The following KLHL29 variants were observed in gnomAD, a reference collection of about 807,000 sequenced individuals.
KLHL29 encodes kelch-like protein 29.
Under a neutral mutation model 80.4 loss-of-function variants are expected in KLHL29, and 21 were observed. The observed-to-expected ratio is 0.26, with a 90% CI of 0.19 to 0.38. The LOEUF (loss-of-function observed/expected upper bound fraction) is 0.38, where lower values mean the gene tolerates loss of function less well. Ranked by LOEUF, KLHL29 falls within the 10% of genes least tolerant of loss-of-function variation. The probability of loss-of-function intolerance (pLI) is 1.00; values close to 1 mark genes in which losing one functional copy is unlikely to be tolerated. For missense variants in KLHL29, 867 were observed against 1,223.9 expected (o/e 0.71, Z 4.35); for synonymous variants, 511 against 526.8 (o/e 0.97, Z 0.41).
At chr2:23,533,090 G>A (rs1178349527) in intron 2 of KLHL29, among the ~76,000 whole-genome samples, 1 of 152,208 alleles carries the variant, frequency 6.6e-6, no homozygotes, top group Non-Finnish European at 1.5e-5. Flanking sequence ...CCCTGTGTGA[G>A]AGCGTCTCTC....
At chr2:23,487,395 C>T (rs929803551) in intron 2 of KLHL29, among the ~76,000 whole-genome samples, 2 of 152,148 alleles carry the variant, frequency 1.3e-5, no homozygotes, top group African/African-American at 4.8e-5. Flanking sequence ...TCTAATAGGC[C>T]TATTGCATTT....
At chr2:23,387,553 G>T (rs1372919679) in intron 1 of KLHL29, among the ~76,000 whole-genome samples, 2 of 149,298 alleles carry the variant, frequency 1.3e-5, no homozygotes, top group Non-Finnish European at 3.0e-5. Context: ...ATTATGGAAA[G>T]AAGGTATAGA....
At chr2:23,551,317 G>A (rs929739273) in intron 2 of KLHL29, among the ~76,000 whole-genome samples, 3 of 152,042 alleles carry the variant, frequency 2.0e-5, no homozygotes, top group Non-Finnish European at 2.9e-5. Flanking sequence ...AGTCCCACGA[G>A]AAAAGTCTCT....
rs1344931842 is a variant in KLHL29 at position 23,502,649 on chromosome 2, CTA to C, written c.-46+26983_-46+26984del. ...TGTTTGGCCCTTCCAGCACCTGTCA[CTA>C]GGCGCAGGCGGTCAGCAGGGATTCA... On this transcript the variant is annotated intron_variant, in intron 2 of 13. Coordinates refer to ENST00000486442, the MANE Select transcript of KLHL29 (RefSeq NM_052920.2). Among the ~76,000 whole-genome samples the C allele has an allele frequency of 2.6e-5, 4 of 152,390 alleles. No individual in the cohort carries two copies. The East Asian group carries it at 7.7e-4, about 29-fold the overall frequency.
intron 1 of KLHL29, among the ~76,000 whole-genome samples, chr2:23,442,860 C>A (rs186533345): frequency 6.6e-6 from 1 of 152,112 alleles, no homozygotes; most frequent in African/African-American, 2.4e-5. Flanking sequence ...TTTGACAGAC[C>A]AGAATCTCAT....
intron 3 of KLHL29, among the ~76,000 whole-genome samples, chr2:23,566,987 G>T (rs1431279332): frequency 1.3e-5 from 2 of 152,196 alleles, no homozygotes; most frequent in Admixed American, 1.3e-4. Context: ...GTCTGATGTG[G>T]CATGAGGTCA....
intron 1 of KLHL29, among the ~76,000 whole-genome samples, chr2:23,427,337 C>T (rs1016275051): frequency 6.6e-6 from 1 of 152,236 alleles, no homozygotes; most frequent in Admixed American, 6.5e-5. Context: ...CACTCTTTTA[C>T]TGAATGACTT....
chr2:23,462,914 T>A (rs146684770), intron 1 of KLHL29, among the ~76,000 whole-genome samples: 1 of 152,286 alleles, frequency 6.6e-6, no homozygotes, highest in African/African-American at 2.4e-5. Flanking sequence ...GTGGGAGGAT[T>A]GCTTGAGCCC....
chr2:23,506,823 C>G (rs1665612615), intron 2 of KLHL29, among the ~76,000 whole-genome samples: 2 of 152,192 alleles, frequency 1.3e-5, no homozygotes, highest in African/African-American at 4.8e-5. Flanking sequence ...CCTGACTCCT[C>G]AAAAGAACCA....
At chr2:23,425,314 A>G (rs1026795348) in intron 1 of KLHL29, among the ~76,000 whole-genome samples, 1 of 152,198 alleles carries the variant, frequency 6.6e-6, no homozygotes, top group African/African-American at 2.4e-5. Flanking sequence ...ATCTAGAGAC[A>G]CAAAGCCCAG....
At chr2:23,595,022 T>C (rs1668361880) in intron 3 of KLHL29, among the ~76,000 whole-genome samples, 1 of 152,222 alleles carries the variant, frequency 6.6e-6, no homozygotes. Flanking sequence ...GATTTAGTAT[T>C]CGTGTGCTTT....
At chr2:23,549,886 T>C (rs1368804050) in intron 2 of KLHL29, among the ~76,000 whole-genome samples, 1 of 152,212 alleles carries the variant, frequency 6.6e-6, no homozygotes, top group Non-Finnish European at 1.5e-5. Flanking sequence ...TCCTTGGCTG[T>C]GCTGCCTTTC....
At chr2:23,605,679 C>G (rs1220396771) in intron 3 of KLHL29, among the ~76,000 whole-genome samples, 1 of 152,080 alleles carries the variant, frequency 6.6e-6, no homozygotes, top group Non-Finnish European at 1.5e-5. Flanking sequence ...GAAAGAGGAA[C>G]TATAATAAAA....
chr2:23,702,802 G>A (rs917520606), intron 11 of KLHL29, among the ~76,000 whole-genome samples: 1 of 152,230 alleles, frequency 6.6e-6, no homozygotes, highest in African/African-American at 2.4e-5. Context: ...CATCCAGCAC[G>A]TTTCTCCAGT....
chr2:23,467,816 C>G (rs1302893526), intron 1 of KLHL29, among the ~76,000 whole-genome samples: 1 of 152,202 alleles, frequency 6.6e-6, no homozygotes, highest in South Asian at 2.1e-4. Flanking sequence ...GGAGAGTGGT[C>G]GCTGACCAGT....
At chr2:23,556,126 C>T (rs1478131350) in intron 2 of KLHL29, among the ~76,000 whole-genome samples, 1 of 152,208 alleles carries the variant, frequency 6.6e-6, no homozygotes, top group African/African-American at 2.4e-5. Flanking sequence ...CCCCTCTCTG[C>T]TCCCTGGAGG....
intron 1 of KLHL29, among the ~76,000 whole-genome samples, chr2:23,440,593 A>G (rs958669559): frequency 1.3e-5 from 2 of 152,182 alleles, no homozygotes; most frequent in Non-Finnish European, 2.9e-5. Flanking sequence ...ACAAAGGGCT[A>G]ATACCCAGAA....
intron 1 of KLHL29, among the ~76,000 whole-genome samples, chr2:23,438,565 T>C (rs1360165330): frequency 1.3e-5 from 2 of 150,564 alleles, no homozygotes; most frequent in African/African-American, 4.9e-5. Context: ...TCTATTGAGA[T>C]AGTCATGTGG....
chr2:23,630,221 G>A (rs1669434528), intron 3 of KLHL29, among the ~76,000 whole-genome samples: 2 of 152,240 alleles, frequency 1.3e-5, no homozygotes, highest in South Asian at 4.1e-4. Context: ...GGCCCTGTCG[G>A]GCTGGACACA....
Sources: allele counts gnomAD v4.1 joint callset (sites outside exome capture counted in the v4.1 genomes callset), GRCh38; gene constraint gnomAD v4.1.1; transcripts MANE v1.5; gene names NCBI Gene and HGNC (gene_info 2026-07-23, HGNC 2026-07-21).